SENP6: variants seen among roughly 807,000 people sequenced by gnomAD.
SENP6 encodes SUMO specific peptidase 6.
SENP6 carries 41 observed loss-of-function variants against 134.5 expected under a neutral mutation model. The observed-to-expected ratio is 0.30, with a 90% CI of 0.24 to 0.40. The LOEUF (loss-of-function observed/expected upper bound fraction) is 0.40, where lower values mean the gene tolerates loss of function less well. Among genes scored for constraint, SENP6 ranks in the 10% least tolerant of loss-of-function variants. The pLI is 1.00. For missense variants in SENP6, 1,248 were observed against 1,312.5 expected, an observed-to-expected ratio of 0.95 and a Z score of 0.76; for synonymous variants, 395 against 429.8, an observed-to-expected ratio of 0.92 and a Z score of 1.00.
At position 75,709,558 on chromosome 6, in the gene SENP6, C is replaced by CG; in HGVS notation, c.2749dup (p.Asp917GlyfsTer2). 1 of 1,613,746 alleles carries CG rather than the reference C, an allele frequency of 6.2e-7. No individual in the cohort carries two copies. Among genetic ancestry groups the CG allele is most frequent in the Non-Finnish European group, 8.5e-7 (1 of 1,179,758 alleles). On this transcript the variant is annotated frameshift_variant, in exon 20 of 24. Coordinates refer to ENST00000447266, the MANE Select transcript of SENP6 (RefSeq NM_015571.4). LOFTEE classifies it high-confidence loss of function. ...TAAGCAAAATCAGACTAAACTATAG[C>CG]GATGAATCACCTGAAGCTGGTAAAA...
At chr6:75,633,806 C>T in intron 4 of SENP6, 80 bp downstream of exon 4, 1 of 1,198,990 alleles carries the variant, frequency 8.3e-7, no homozygotes, top group South Asian at 1.8e-5. Flanking sequence ...CTAATAGGCC[C>T]AACCTGTACC....
rs368965164 is a variant in SENP6 at position 75,713,816 on chromosome 6, C to T, written c.3120C>T (p.Ser1040=). Residue 1040 remains serine, a synonymous_variant, in exon 23 of 24, where the codon AGC becomes AGT. Coordinates refer to ENST00000447266, the MANE Select transcript of SENP6 (RefSeq NM_015571.4). The part of the protein sequence containing the change: ...CGVYVLQYVE[S]FFENPILSFE... ...TATATGTATTGCAGTATGTAGAGAG[C>T]TTTTTTGAGGTGGGTTTCAATTTGT... 2 of 1,576,504 alleles carry T rather than the reference C, an allele frequency of 1.3e-6. No homozygotes were observed. The highest frequency in any genetic ancestry group is 1.4e-5 in the African/African-American group (1 of 73,648).
At chr6:75,654,301 G>T (rs928951977) in intron 7 of SENP6, among the ~76,000 whole-genome samples, 4 of 152,184 alleles carry the variant, frequency 2.6e-5, no homozygotes, top group African/African-American at 9.6e-5. Context: ...ATACCAAGTC[G>T]AGGAGGAAAA....
rs1182593830 is a variant in SENP6 at position 75,709,649 on chromosome 6, C to CA, written c.2820+24dup. On this transcript the variant is annotated intron_variant, in intron 20 of 23. Transcript: ENST00000447266. ...TAACCAGGTAAAACTTAATGCTTGG[C>CA]AAAAAGTTCTAATGTTTTATCTAAT... 6.4e-7 allele frequency: 1 copy of CA among 1,563,366 alleles called. No homozygotes were observed. Among genetic ancestry groups the CA allele is most frequent in the African/African-American group, 1.4e-5 (1 of 73,760 alleles).
At chr6:75,609,806 TCTCGG>T (rs1767307075) in intron 1 of SENP6, among the ~76,000 whole-genome samples, 1 of 152,098 alleles carries the variant, frequency 6.6e-6, no homozygotes, top group Admixed American at 6.6e-5. Context: ...GTAGATGGAG[TCTCGG>T]CTCCGTTGCC....
intron 17 of SENP6, among the ~76,000 whole-genome samples, chr6:75,696,257 A>G (rs530423370): frequency 6.6e-6 from 1 of 152,200 alleles, no homozygotes; most frequent in Non-Finnish European, 1.5e-5. Flanking sequence ...GGAATTTATA[A>G]ATGTTCTGGG....
At chr6:75,607,706 G>C (rs1767130586) in intron 1 of SENP6, among the ~76,000 whole-genome samples, 1 of 151,984 alleles carries the variant, frequency 6.6e-6, no homozygotes, top group Admixed American at 6.6e-5. Flanking sequence ...TGTCTACTAG[G>C]TTGAAAAGAG....
intron 1 of SENP6, among the ~76,000 whole-genome samples, chr6:75,615,323 G>A (rs1767770976): frequency 6.6e-6 from 1 of 152,064 alleles, no homozygotes. Context: ...GGGATTACAG[G>A]TGCGCGCCAC....
At chr6:75,674,384 C>T (rs377040490) in intron 11 of SENP6, among the ~76,000 whole-genome samples, 1 of 152,030 alleles carries the variant, frequency 6.6e-6, no homozygotes, top group African/African-American at 2.4e-5. Context: ...TGCAGTGGCA[C>T]AATCTTGGCT....
At chr6:75,634,603 G>C (rs1448906843) in intron 4 of SENP6, 104 bp from the exon 5 acceptor site, 2 of 579,046 alleles carry the variant, frequency 3.5e-6, no homozygotes, top group Non-Finnish European at 2.9e-6. Context: ...TGTTGTTGTT[G>C]GTAAAGGTTT....
chr6:75,703,282 C>A (rs1312424156), intron 19 of SENP6, among the ~76,000 whole-genome samples: 1 of 151,294 alleles, frequency 6.6e-6, no homozygotes, highest in East Asian at 1.9e-4. Flanking sequence ...ATAGCGAGAC[C>A]CAATCTCCAA....
intron 1 of SENP6, among the ~76,000 whole-genome samples, chr6:75,612,595 G>A (rs749599190): frequency 2.6e-5 from 4 of 152,102 alleles, no homozygotes; most frequent in African/African-American, 4.8e-5. Flanking sequence ...CACCCAAAAC[G>A]CTAGGATTAT....
chr6:75,688,883 A>G (rs997792090), intron 16 of SENP6, among the ~76,000 whole-genome samples: 4 of 152,234 alleles, frequency 2.6e-5, no homozygotes, highest in Non-Finnish European at 5.9e-5. Context: ...CCTGACCAAC[A>G]TGGAGAAACC....
At chr6:75,638,573 T>C (rs1769715365) in intron 5 of SENP6, among the ~76,000 whole-genome samples, 1 of 15,000 alleles carries the variant, frequency 6.7e-5, no homozygotes, top group Non-Finnish European at 1.6e-4. Flanking sequence ...TGTGTGTGTG[T>C]GTGTGTGTGT....
chr6:75,676,418 C>T (rs922606634), intron 13 of SENP6, among the ~76,000 whole-genome samples: 3 of 152,032 alleles, frequency 2.0e-5, no homozygotes, highest in East Asian at 1.9e-4. Context: ...TGAAACTTGG[C>T]CTGAATAGGA....
At chr6:75,624,204 C>G (rs1225416426) in intron 3 of SENP6, among the ~76,000 whole-genome samples, 2 of 152,028 alleles carry the variant, frequency 1.3e-5, no homozygotes, top group East Asian at 3.9e-4. Flanking sequence ...TTCTGATCTT[C>G]CTTTAACTTA....
At chr6:75,609,279 C>T (rs530795001) in intron 1 of SENP6, among the ~76,000 whole-genome samples, 4 of 152,164 alleles carry the variant, frequency 2.6e-5, no homozygotes, top group South Asian at 2.1e-4. Flanking sequence ...AAGGAAGGGG[C>T]GACTGAACAA....
Position 75,659,300 on chromosome 6 carries a change from G to T in SENP6, c.589G>T (p.Val197Leu). ...MKKTEESESQ[V>L]EPEIKRKVQQ... ...GAAAACAGAAGAGTCCGAATCACAA[G>T]TGGAGCCTGAAATTAAGAGGAAAGT... The change falls in exon 8 of 24, where the codon GTG (valine) becomes TTG (leucine). Residue 197 changes from valine (V) to leucine (L), a missense_variant. Coordinates refer to ENST00000447266, the MANE Select transcript of SENP6 (RefSeq NM_015571.4). 2 of 1,612,772 alleles carry T rather than the reference G, an allele frequency of 1.2e-6. No individual in the cohort carries two copies. The highest frequency in any genetic ancestry group is 1.7e-6 in the Non-Finnish European group (2 of 1,179,032).
intron 10 of SENP6, among the ~76,000 whole-genome samples, chr6:75,668,995 ACT>A (rs536759729): frequency 1.1e-3 from 168 of 152,260 alleles, no homozygotes; most frequent in African/African-American, 3.8e-3. Context: ...TGAAGATATA[ACT>A]CTACAGCTAA....
Sources: allele counts gnomAD v4.1 joint callset (sites outside exome capture counted in the v4.1 genomes callset), GRCh38; gene constraint gnomAD v4.1.1; transcripts MANE v1.5; gene names NCBI Gene and HGNC (gene_info 2026-07-23, HGNC 2026-07-21).